The following TMEM220 variants were observed in gnomAD, a reference collection of about 807,000 sequenced individuals.
TMEM220 encodes transmembrane protein 220.
A neutral mutation model predicts 21.7 loss-of-function variants in TMEM220; 21 were observed. That is an observed-to-expected ratio of 0.97 (90% CI 0.69 to 1.39). TMEM220 has a LOEUF of 1.39. Ranked by LOEUF, TMEM220 falls within the 40% of genes most tolerant of loss-of-function variation. TMEM220 has a pLI of 0.00. For missense variants in TMEM220, 191 were observed against 201.9 expected, an observed-to-expected ratio of 0.95 and a Z score of 0.33; for synonymous variants, 80 against 73.6, an observed-to-expected ratio of 1.09 and a Z score of -0.45.
chr17:10,728,368 G>A (rs940913351), intron 2 of TMEM220, among the ~76,000 whole-genome samples: 1 of 149,482 alleles, frequency 6.7e-6, no homozygotes, highest in African/African-American at 2.5e-5. Context: ...GAGTGCAGTG[G>A]CACGATCTCA....
intron 2 of TMEM220, among the ~76,000 whole-genome samples, chr17:10,727,694 T>TA (rs1340051521): frequency 6.6e-6 from 1 of 152,110 alleles, no homozygotes; most frequent in African/African-American, 2.4e-5. Flanking sequence ...TTTACTGCAC[T>TA]AAAAAAACAA....
In TMEM220 at chr17:10,729,817, A is replaced by G. The variant is rs1230966042; in HGVS notation, c.35T>C (p.Leu12Pro). 5.7e-6 allele frequency: 8 copies of G among 1,400,428 alleles called. No homozygotes were observed. The highest frequency in any genetic ancestry group is 5.6e-6 in the Non-Finnish European group (6 of 1,069,314). The allele number at this position is 1,400,428 out of a possible 1,614,324, so 86.8% of individuals were successfully genotyped here. ...CGCCAGCGCGAAGAAGGCGGCCATG[A>G]GTCCGTTGCAGGCCCGCCACAGCGC... ...APALWRACNG[L>P]MAAFFALAAL... Residue 12 changes from leucine (L) to proline (P), a missense_variant, in exon 1 of 6, where the codon CTC (leucine) becomes CCC (proline). By Grantham distance (98) the Leu-to-Pro change is moderately conservative. Coordinates refer to ENST00000341871, the MANE Select transcript of TMEM220 (RefSeq NM_001004313.3).
downstream of TMEM220, among the ~76,000 whole-genome samples, chr17:10,712,849 G>A (rs1182726072): frequency 6.6e-6 from 1 of 152,220 alleles, no homozygotes; most frequent in Non-Finnish European, 1.5e-5. Context: ...CTTGAATGAT[G>A]AGCCAAGAGT....
intron 2 of TMEM220, among the ~76,000 whole-genome samples, chr17:10,728,361 T>C (rs1380641407): frequency 2.8e-5 from 4 of 145,250 alleles, no homozygotes; most frequent in African/African-American, 1.0e-4. Context: ...CAGACTGGAG[T>C]GCAGTGGCAC....
rs112948764 is a variant in TMEM220 at position 10,716,425 on chromosome 17, C to G, written c.348-837G>C. ...GCTGTGTTGGCTTATCTTAATTTCCCGTCCGGTCAGAACTCAAACTCCAGA... is the reference window on the plus strand; with the variant it reads ...GCTGTGTTGGCTTATCTTAATTTCCGGTCCGGTCAGAACTCAAACTCCAGA... On this transcript the variant is annotated intron_variant, in intron 5 of 5. Transcript: ENST00000341871. The G allele has an allele frequency of 1.2e-3, 764 of 654,678 alleles. 11 individuals carry two copies. In the African/African-American group the frequency reaches 0.012, roughly 10 times the overall value. The allele number at this position is 654,678 out of a possible 1,614,324, so 40.6% of individuals were successfully genotyped here.
At chr17:10,722,489 C>T (rs2075004458) in intron 5 of TMEM220, among the ~76,000 whole-genome samples, 1 of 152,102 alleles carries the variant, frequency 6.6e-6, no homozygotes. Context: ...TTAATGCTAC[C>T]AGTGGTTACC....
intron 2 of TMEM220, among the ~76,000 whole-genome samples, chr17:10,727,845 A>C (rs971554202): frequency 1.3e-5 from 2 of 152,098 alleles, no homozygotes; most frequent in Non-Finnish European, 2.9e-5. Flanking sequence ...AACTGGGCAA[A>C]ATTCAGATAT....
chr17:10,720,721 G>C (rs920722383), intron 5 of TMEM220, among the ~76,000 whole-genome samples: 2 of 152,052 alleles, frequency 1.3e-5, no homozygotes, highest in African/African-American at 4.8e-5. Flanking sequence ...GTATTTACTT[G>C]GTGGGATTAG....
At chr17:10,721,604 C>CAAAAAAAAAAAA (rs1194075248) in intron 5 of TMEM220, among the ~76,000 whole-genome samples, 2 of 35,824 alleles carry the variant, frequency 5.6e-5, no homozygotes, top group African/African-American at 1.4e-4. Context: ...GACTCTGTCT[C>CAAAAAAAAAAAA]AAAAAAAAAA....
At chr17:10,724,877 T>C (rs2075030682) in intron 4 of TMEM220, 134 bp downstream of exon 4, 1 of 1,239,220 alleles carries the variant, frequency 8.1e-7, no homozygotes, top group Non-Finnish European at 1.1e-6. Flanking sequence ...ATAAAGAAGA[T>C]AATACCTTGC....
Position 10,715,392 on chromosome 17 carries a change from C to T in TMEM220, c.*61G>A, listed in dbSNP as rs1234531082. The T allele has an allele frequency of 1.3e-6, 2 of 1,497,456 alleles. No individual in the cohort carries two copies. The highest frequency in any genetic ancestry group is 1.8e-6 in the Non-Finnish European group (2 of 1,107,126). 92.8% of individuals were successfully genotyped at this position (1,497,456 alleles called of 1,614,324 possible). ...TGAAATAAACTCCTGGCTTGTTCCC[C>T]TAATGTTTATAAAAAATTGATTGAA... On this transcript the variant is annotated 3_prime_UTR_variant, in exon 6 of 6. Coordinates refer to ENST00000341871, the MANE Select transcript of TMEM220 (RefSeq NM_001004313.3).
intron 2 of TMEM220, among the ~76,000 whole-genome samples, chr17:10,726,679 C>T (rs2075053404): frequency 6.6e-6 from 1 of 152,158 alleles, no homozygotes; most frequent in Admixed American, 6.5e-5. Context: ...TGGCTTTGGA[C>T]CCAATGGACC....
chr17:10,724,970 C>A, intron 4 of TMEM220, 41 bp downstream of exon 4: 1 of 1,612,958 alleles, frequency 6.2e-7, no homozygotes, highest in Non-Finnish European at 8.5e-7. Flanking sequence ...TAGTTCTATC[C>A]CACAGTTCTA....
intron 5 of TMEM220, chr17:10,716,555 T>C (rs9675034): frequency 0.02 from 12,059 of 590,666 alleles, 515 homozygotes; most frequent in East Asian, 0.14. Flanking sequence ...AAAAGAAAGC[T>C]GCACCACCGC....
In TMEM220 at chr17:10,724,999, G is replaced by A. The variant is rs756071592; in HGVS notation, c.287+12C>T. On this transcript the variant is annotated intron_variant, in intron 4 of 5. Coordinates refer to ENST00000341871, the MANE Select transcript of TMEM220 (RefSeq NM_001004313.3). ...AGTTCTATCCCTCCACAGGGTAACCGTCACCGCTCACCTGCCTTCTTCCTC... is the reference window on the plus strand; with the variant it reads ...AGTTCTATCCCTCCACAGGGTAACCATCACCGCTCACCTGCCTTCTTCCTC... 37 of 1,613,988 alleles carry A rather than the reference G, an allele frequency of 2.3e-5. No individual in the cohort carries two copies. The highest frequency in any genetic ancestry group is 3.3e-5 in the South Asian group (3 of 91,082).
chr17:10,722,535 G>A (rs2075004872), intron 5 of TMEM220, among the ~76,000 whole-genome samples: 1 of 152,082 alleles, frequency 6.6e-6, no homozygotes, highest in South Asian at 2.1e-4. Flanking sequence ...ACTTATCAAA[G>A]TTTAATATAA....
intron 5 of TMEM220, chr17:10,716,324 T>C (rs1272230985): frequency 3.1e-6 from 2 of 650,654 alleles, no homozygotes; most frequent in Non-Finnish European, 5.9e-6. Flanking sequence ...CTGTCATCAA[T>C]TATACTCTTC....
At chr17:10,722,513 CA>C (rs2075004653) in intron 5 of TMEM220, among the ~76,000 whole-genome samples, 1 of 152,168 alleles carries the variant, frequency 6.6e-6, no homozygotes, top group Non-Finnish European at 1.5e-5. Context: ...ATGATTACAA[CA>C]TTAATCCTTG....
Position 10,729,904 on chromosome 17 carries a change from AGTCCTGCCACG to A in TMEM220, c.-64_-54del. 7.9e-7 allele frequency: 1 copy of A among 1,273,028 alleles called. No individual in the cohort carries two copies. Among genetic ancestry groups the A allele is most frequent in the East Asian group, 3.2e-5 (1 of 30,956 alleles). 78.9% of individuals were successfully genotyped at this position (1,273,028 alleles called of 1,614,324 possible). On this transcript the variant is annotated 5_prime_UTR_variant, in exon 1 of 6. Coordinates refer to ENST00000341871, the MANE Select transcript of TMEM220 (RefSeq NM_001004313.3). ...GAGTCCTGCCACGTGCGGGGCGGTG[AGTCCTGCCACG>A]TACGGTCCGCCTTCCTCCTTGCGCG...
Sources: gnomAD v4.1 joint callset for allele counts (sites outside exome capture counted in the v4.1 genomes callset) on GRCh38, gnomAD v4.1.1 for gene constraint, MANE v1.5 for transcripts, NCBI Gene and HGNC (gene_info 2026-07-23, HGNC 2026-07-21) for gene names.